Variants in MAF observed in about 807,000 individuals in gnomAD.
MAF encodes the protein MAF bZIP transcription factor.
A neutral mutation model predicts 22.0 loss-of-function variants in MAF; 10 were observed. The ratio of observed to expected loss-of-function variants is 0.45; its 90% CI spans 0.28 to 0.77. MAF has a LOEUF of 0.77. Ranked by LOEUF, MAF falls within the 30% of genes least tolerant of loss-of-function variation. MAF has a pLI of 0.12. For missense variants in MAF, 544 were observed against 548.4 expected (o/e 0.99, Z 0.08); for synonymous variants, 337 against 255.8 (o/e 1.32, Z -3.03).
chr16:79,437,909 G>A, the MAF span, among the ~76,000 whole-genome samples: 3 of 152,172 alleles, frequency 2.0e-5, no homozygotes, highest in African/African-American at 4.8e-5. Flanking sequence ...CAGGCCAGGC[G>A]GGAGGTTTCC....
downstream of MAF, among the ~76,000 whole-genome samples, chr16:79,585,628 A>C (rs1341520271): frequency 6.6e-6 from 1 of 152,200 alleles, no homozygotes; most frequent in Non-Finnish European, 1.5e-5. Context: ...TAATGAAATA[A>C]ACACAGAAAA....
chr16:79,208,191 A>T, the MAF span, among the ~76,000 whole-genome samples: 1 of 152,230 alleles, frequency 6.6e-6, no homozygotes, highest in Non-Finnish European at 1.5e-5. Context: ...GGCAGCTCAC[A>T]AATGTTTGAC....
chr16:79,333,450 C>T, the MAF span, among the ~76,000 whole-genome samples: 1,278 of 152,250 alleles, frequency 8.4e-3, 4 homozygotes, highest in Middle Eastern at 0.014. Context: ...CAAAACGATA[C>T]GACGGACCAT....
the MAF span, among the ~76,000 whole-genome samples, chr16:79,465,652 T>A: frequency 6.6e-6 from 1 of 151,984 alleles, no homozygotes; most frequent in Non-Finnish European, 1.5e-5. Context: ...TGTAAACACA[T>A]ATTATTATTT....
chr16:79,461,479 C>G, the MAF span, among the ~76,000 whole-genome samples: 1 of 152,262 alleles, frequency 6.6e-6, no homozygotes, highest in South Asian at 2.1e-4. Context: ...GAAAGAAAGA[C>G]CATGGAGTAT....
At chr16:79,490,622 ACACT>A in the MAF span, among the ~76,000 whole-genome samples, 44 of 65,198 alleles carry the variant, frequency 6.7e-4, no homozygotes, top group Non-Finnish European at 1.5e-3. Flanking sequence ...ACAGACACAC[ACACT>A]CACACATGCA....
the MAF span, among the ~76,000 whole-genome samples, chr16:79,221,468 A>G: frequency 3.0e-4 from 45 of 152,240 alleles, no homozygotes; most frequent in Non-Finnish European, 4.9e-4. Context: ...AGACATGAAA[A>G]AAATGAACAC....
Position 79,594,134 on chromosome 16 carries a change from G to A in MAF, c.*326C>T, listed in dbSNP as rs1178728296. 6.3e-6 allele frequency: 2 copies of A among 315,758 alleles called. No homozygotes were observed. The highest frequency in any genetic ancestry group is 9.3e-5 in the East Asian group (2 of 21,434). 19.6% of individuals were successfully genotyped at this position (315,758 alleles called of 1,614,324 possible). A position where few individuals can be genotyped will look rare whatever the true frequency, so the allele number is the denominator to read the frequency against. ...TAAAATGCTAATTGTTGCATTCCGG[G>A]AAACTTTCCATTATATATATGCATA... is the stretch of plus-strand genomic sequence containing the variant. On this transcript the variant is annotated 3_prime_UTR_variant, in exon 2 of 2. Coordinates refer to ENST00000326043, the MANE Select transcript of MAF (RefSeq NM_005360.5).
chr16:79,204,876 C>T, the MAF span: 1 of 152,362 alleles, frequency 6.6e-6, no homozygotes, highest in African/African-American at 2.4e-5. Flanking sequence ...AAATATTTCA[C>T]AGAGGAGTAA....
chr16:79,346,021 G>T, the MAF span, among the ~76,000 whole-genome samples: 3 of 151,922 alleles, frequency 2.0e-5, no homozygotes, highest in African/African-American at 7.3e-5. Flanking sequence ...ATGTTTCTCC[G>T]ATAGGGCTCA....
At chr16:79,589,652 G>C (rs2143722285), downstream of MAF, among the ~76,000 whole-genome samples, 1 of 152,340 alleles carries the variant, frequency 6.6e-6, no homozygotes, top group East Asian at 1.9e-4. Flanking sequence ...GCGGGACCGA[G>C]TCTTGCTCCC....
the MAF span, among the ~76,000 whole-genome samples, chr16:79,339,056 T>A: frequency 2.2e-3 from 341 of 151,994 alleles, no homozygotes; most frequent in Non-Finnish European, 4.1e-3. Flanking sequence ...TTTTTATTTT[T>A]ATTTTTTATT....
the MAF span, among the ~76,000 whole-genome samples, chr16:79,416,622 A>G: frequency 6.6e-6 from 1 of 152,152 alleles, no homozygotes; most frequent in Admixed American, 6.5e-5. Context: ...ACAGATGAAG[A>G]AATAGAAAGG....
the MAF span, among the ~76,000 whole-genome samples, chr16:79,329,149 G>A: frequency 6.6e-6 from 1 of 151,794 alleles, no homozygotes; most frequent in Non-Finnish European, 1.5e-5. Context: ...ACGGGACCAG[G>A]CAAGAAACAC....
the MAF span, among the ~76,000 whole-genome samples, chr16:79,395,650 T>C: frequency 1.4e-4 from 21 of 152,114 alleles, no homozygotes; most frequent in Non-Finnish European, 2.4e-4. Context: ...GAGACAGTCA[T>C]GGAACTGATC....
chr16:79,475,206 C>T, the MAF span, among the ~76,000 whole-genome samples: 7 of 152,112 alleles, frequency 4.6e-5, no homozygotes, highest in South Asian at 1.2e-3. Flanking sequence ...AACAATTATC[C>T]GTTGCTAACA....
At chr16:79,291,094 T>G in the MAF span, among the ~76,000 whole-genome samples, 1 of 152,160 alleles carries the variant, frequency 6.6e-6, no homozygotes. Context: ...CCATTACAAA[T>G]CACAGAAGCC....
chr16:79,325,331 C>A, the MAF span, among the ~76,000 whole-genome samples: 1 of 152,178 alleles, frequency 6.6e-6, no homozygotes, highest in African/African-American at 2.4e-5. Flanking sequence ...CACGTGCTTC[C>A]AGCTGGCAGA....
chr16:79,330,796 G>A, the MAF span, among the ~76,000 whole-genome samples: 2 of 152,212 alleles, frequency 1.3e-5, no homozygotes, highest in East Asian at 1.9e-4. Flanking sequence ...AGTCAGGAAT[G>A]TGTGGCTTGC....
Sources: gnomAD v4.1 joint callset for allele counts (sites outside exome capture counted in the v4.1 genomes callset) on GRCh38, gnomAD v4.1.1 for gene constraint, MANE v1.5 for transcripts, NCBI Gene and HGNC (gene_info 2026-07-23, HGNC 2026-07-21) for gene names.